HIGD1A: variants seen among roughly 807,000 people sequenced by gnomAD.
HIGD1A encodes the protein HIG1 hypoxia inducible domain family member 1A, also known as HIG1 domain family member 1A, mitochondrial.
HIGD1A carries 8 observed loss-of-function variants against 11.3 expected under a neutral mutation model. That is an observed-to-expected ratio of 0.71 (90% confidence interval 0.42 to 1.28). The LOEUF is 1.28. HIGD1A is among the 50% of genes most tolerant of loss of function. The pLI is 0.01. For synonymous variants in HIGD1A, 32 were observed against 38.4 expected (o/e 0.83, Z 0.62); for missense variants, 107 against 118.8 (o/e 0.90, Z 0.46).
chr3:42,803,012 CAT>C (rs1700587680), intron 1 of HIGD1A, among the ~76,000 whole-genome samples: 1 of 152,194 alleles, frequency 6.6e-6, no homozygotes, highest in Non-Finnish European at 1.5e-5. Context: ...TGACTTAACT[CAT>C]CTAACAATTT....
chr3:42,800,815 A>G (rs1380971996), intron 1 of HIGD1A, among the ~76,000 whole-genome samples: 1 of 151,672 alleles, frequency 6.6e-6, no homozygotes, highest in African/African-American at 2.4e-5. Flanking sequence ...AGCTCTTATG[A>G]GATGACCCGG....
At chr3:42,794,959 G>C (rs1260009830) in intron 1 of HIGD1A, among the ~76,000 whole-genome samples, 1 of 151,972 alleles carries the variant, frequency 6.6e-6, no homozygotes, top group Non-Finnish European at 1.5e-5. Context: ...CTCCTTCATA[G>C]CCTTTTAGAT....
chr3:42,795,514 CTA>C (rs200265491), intron 1 of HIGD1A, among the ~76,000 whole-genome samples: 1,560 of 152,142 alleles, frequency 0.01, 29 homozygotes, highest in African/African-American at 0.036. Context: ...ACACCTGGCC[CTA>C]TGATTAGCAC....
At chr3:42,792,943 C>A (rs1277582676) in intron 2 of HIGD1A, among the ~76,000 whole-genome samples, 1 of 151,010 alleles carries the variant, frequency 6.6e-6, no homozygotes, top group Non-Finnish European at 1.5e-5. Flanking sequence ...TATCGCGCCA[C>A]TGCACTCCAG....
chr3:42,804,456 A>G lies in HIGD1A; in HGVS notation c.-43T>C. The G allele has an allele frequency of 2.1e-6, 1 of 477,932 alleles. No homozygotes were observed. Among genetic ancestry groups the G allele is most frequent in the South Asian group, 3.4e-5 (1 of 29,710 alleles). 29.6% of individuals were successfully genotyped at this position (477,932 alleles called of 1,614,324 possible). ...CTTACCTAGAGCGAGAAAACCTCTC[A>G]CACCCCAACCGGCTTCCGATCCCTG... is the stretch of plus-strand genomic sequence containing the variant. On this transcript the variant is annotated 5_prime_UTR_variant, in exon 1 of 4. Coordinates refer to ENST00000321331, the MANE Select transcript of HIGD1A (RefSeq NM_014056.4).
chr3:42,794,374 T>C (rs1160084476), intron 1 of HIGD1A, 99 bp from the exon 2 acceptor site: 2 of 1,110,142 alleles, frequency 1.8e-6, no homozygotes, highest in Non-Finnish European at 2.5e-6. Context: ...ATGAGAATCT[T>C]AGTATATGTT....
intron 2 of HIGD1A, among the ~76,000 whole-genome samples, chr3:42,793,458 T>C (rs1255789135): frequency 2.6e-5 from 4 of 152,218 alleles, no homozygotes; most frequent in Admixed American, 2.0e-4. Flanking sequence ...CCTCTCCCCC[T>C]GTGGGACTCC....
chr3:42,796,288 T>TC, intron 1 of HIGD1A, among the ~76,000 whole-genome samples: 1 of 152,306 alleles, frequency 6.6e-6, no homozygotes, highest in Admixed American at 6.5e-5. Flanking sequence ...CTTTTTGTAC[T>TC]CCATTACTTC....
chr3:42,800,446 T>C (rs1415334065), intron 1 of HIGD1A, among the ~76,000 whole-genome samples: 1 of 152,078 alleles, frequency 6.6e-6, no homozygotes, highest in Non-Finnish European at 1.5e-5. Context: ...TCTGACCACA[T>C]TAAATATTTT....
intron 2 of HIGD1A, among the ~76,000 whole-genome samples, chr3:42,788,170 AG>A (rs1700375550): frequency 6.6e-6 from 1 of 152,222 alleles, no homozygotes; most frequent in Non-Finnish European, 1.5e-5. Context: ...TAAAACCTCT[AG>A]GAAGTCTGAT....
intron 1 of HIGD1A, among the ~76,000 whole-genome samples, chr3:42,796,684 G>A (rs973626355): frequency 2.0e-5 from 3 of 152,106 alleles, no homozygotes; most frequent in Admixed American, 2.0e-4. Flanking sequence ...AGTGCTGATT[G>A]GTTGGGTTGG....
At chr3:42,786,185 T>G (rs998400159) in intron 2 of HIGD1A, 23 bp from the exon 3 acceptor site, 1 of 1,613,454 alleles carries the variant, frequency 6.2e-7, no homozygotes, top group African/African-American at 1.3e-5. Flanking sequence ...GTAACAAGTA[T>G]GTCAGATGCA....
chr3:42,785,410 C>T, intron 3 of HIGD1A, 90 bp from the exon 4 acceptor site: 1 of 965,870 alleles, frequency 1.0e-6, no homozygotes, highest in East Asian at 2.4e-5. Flanking sequence ...GAAAGTAGCA[C>T]CACTGCTAGC....
At chr3:42,799,614 GGTTTTTT>G (rs1351296583) in intron 1 of HIGD1A, among the ~76,000 whole-genome samples, 1 of 101,054 alleles carries the variant, frequency 9.9e-6, no homozygotes, top group African/African-American at 6.4e-5. Context: ...CACCATGCCT[GGTTTTTT>G]TTTTTTGTAT....
chr3:42,799,502 G>A (rs947727653), intron 1 of HIGD1A, among the ~76,000 whole-genome samples: 1 of 152,132 alleles, frequency 6.6e-6, no homozygotes, highest in African/African-American at 2.4e-5. Context: ...TAGTTGCCAC[G>A]CAGGCTGGAG....
At position 42,785,214 on chromosome 3, in the gene HIGD1A, A is replaced by G; in HGVS notation, c.*57T>C. ...CCAACAATAATAGGTAACTTTAATA[A>G]TAAGACATCTAACTAAAGCAAGCTC... is the stretch of plus-strand genomic sequence containing the variant. On this transcript the variant is annotated 3_prime_UTR_variant, in exon 4 of 4. Coordinates refer to ENST00000321331, the MANE Select transcript of HIGD1A (RefSeq NM_014056.4). 7.6e-7 allele frequency: 1 copy of G among 1,319,424 alleles called. No homozygotes were observed. Among genetic ancestry groups the G allele is most frequent in the Non-Finnish European group, 1.1e-6 (1 of 928,206 alleles). 81.7% of individuals were successfully genotyped at this position (1,319,424 alleles called of 1,614,324 possible). A position where few individuals can be genotyped will look rare whatever the true frequency, so the allele number is the denominator to read the frequency against.
At chr3:42,795,219 CTTTTT>C (rs5848631) in intron 1 of HIGD1A, among the ~76,000 whole-genome samples, 1 of 127,646 alleles carries the variant, frequency 7.8e-6, no homozygotes, top group Non-Finnish European at 1.7e-5. Context: ...TTATGATTAG[CTTTTT>C]TTTTTTTTTT....
At chr3:42,796,188 C>T (rs1272756263) in intron 1 of HIGD1A, among the ~76,000 whole-genome samples, 1 of 152,130 alleles carries the variant, frequency 6.6e-6, no homozygotes. Flanking sequence ...TCCCTATAAG[C>T]CTCACCTTCA....
At chr3:42,796,268 C>T (rs1700497294) in intron 1 of HIGD1A, among the ~76,000 whole-genome samples, 1 of 152,124 alleles carries the variant, frequency 6.6e-6, no homozygotes, top group Non-Finnish European at 1.5e-5. Flanking sequence ...TTAGATTGGA[C>T]TTAAACCTTC....
Sources: allele counts gnomAD v4.1 joint callset (sites outside exome capture counted in the v4.1 genomes callset), GRCh38; gene constraint gnomAD v4.1.1; transcripts MANE v1.5; gene names NCBI Gene and HGNC (gene_info 2026-07-23, HGNC 2026-07-21).